Variants in PKP4 observed in about 807,000 individuals in gnomAD.
The protein encoded by PKP4 is plakophilin 4, also known as plakophilin-4.
PKP4 carries 90 observed loss-of-function variants against 145.1 expected under a neutral mutation model. The ratio of observed to expected loss-of-function variants is 0.62; its 90% CI spans 0.52 to 0.74. The LOEUF (loss-of-function observed/expected upper bound fraction) is 0.74. PKP4 is among the 30% of genes least tolerant of loss of function. PKP4 has a pLI of 0.00. For synonymous variants in PKP4, 563 were observed against 577.2 expected, an observed-to-expected ratio of 0.98 and a Z score of 0.35; for missense variants, 1,340 against 1,482.7, an observed-to-expected ratio of 0.90 and a Z score of 1.58.
chr2:158,551,306 A>C (rs1306134771), intron 2 of PKP4, among the ~76,000 whole-genome samples: 15 of 152,242 alleles, frequency 9.9e-5, no homozygotes, highest in Admixed American at 9.8e-4. Flanking sequence ...ATTAATTAGC[A>C]TTACCATTGC....
intron 3 of PKP4, among the ~76,000 whole-genome samples, chr2:158,591,815 A>G (rs1446522450): frequency 1.3e-5 from 2 of 152,118 alleles, no homozygotes; most frequent in African/African-American, 2.4e-5. Flanking sequence ...CCTATCAATG[A>G]TGTTCACTCA....
Position 158,625,345 on chromosome 2 carries a change from T to C in PKP4, c.1071T>C (p.Thr357=). The change falls in exon 7 of 22, where the codon ACT becomes ACC. Residue 357 remains threonine (T), a synonymous_variant. Coordinates refer to ENST00000389759, the MANE Select transcript of PKP4 (RefSeq NM_003628.6). ...PQHLGPSLQR[T]VHDMEQFGQQ... ...ATCTGGGACCTTCACTGCAAAGGAC[T>C]GTTCATGACATGGAGCAATTCGGAC... 6.2e-7 allele frequency: 1 copy of C among 1,614,198 alleles called. No individual in the cohort carries two copies. Among genetic ancestry groups the C allele is most frequent in the Non-Finnish European group, 8.5e-7 (1 of 1,180,028 alleles).
intron 4 of PKP4, among the ~76,000 whole-genome samples, chr2:158,603,412 C>A (rs866708685): frequency 3.3e-5 from 5 of 152,028 alleles, no homozygotes; most frequent in African/African-American, 1.2e-4. Context: ...ATTACGTAAT[C>A]AAGAAAGCTG....
At chr2:158,537,943 G>A (rs557455545) in intron 2 of PKP4, among the ~76,000 whole-genome samples, 190 of 152,176 alleles carry the variant, frequency 1.2e-3, no homozygotes, top group African/African-American at 4.4e-3. Flanking sequence ...CTTGAGTCTG[G>A]GAGGTCAAGG....
Position 158,673,659 on chromosome 2 carries a change from T to C in PKP4, c.2925-18T>C, listed in dbSNP as rs745992722. On this transcript the variant is annotated intron_variant, in intron 17 of 21. Coordinates refer to ENST00000389759, the MANE Select transcript of PKP4 (RefSeq NM_003628.6). ...GCTGTGTCACCCACATTCATTAATATCCTTGCTCTCTACCTAGATCATCTC... is the reference window on the plus strand; with the variant it reads ...GCTGTGTCACCCACATTCATTAATACCCTTGCTCTCTACCTAGATCATCTC... 1 of 1,583,492 alleles carries C rather than the reference T, an allele frequency of 6.3e-7. No homozygotes were observed. Among genetic ancestry groups the C allele is most frequent in the South Asian group, 1.1e-5 (1 of 90,422 alleles).
chr2:158,559,539 T>TA (rs2105731843), intron 2 of PKP4, among the ~76,000 whole-genome samples: 1 of 152,196 alleles, frequency 6.6e-6, no homozygotes, highest in African/African-American at 2.4e-5. Context: ...GCGGAGGACT[T>TA]ACACCAAGCA....
rs1004905846 is a variant in PKP4, at chr2:158,533,325, T to G, written c.132+9T>G. 6.8e-6 allele frequency: 11 copies of G among 1,613,946 alleles called. No homozygotes were observed. The highest frequency in any genetic ancestry group is 9.3e-6 in the Non-Finnish European group (11 of 1,179,836). On this transcript the variant is annotated intron_variant, in intron 2 of 21. Coordinates refer to ENST00000389759, the MANE Select transcript of PKP4 (RefSeq NM_003628.6). The stretch of plus-strand genomic sequence containing the variant: ...CATCCGTGAAGGAGCAGGTACATCC[T>G]CGTATTGAAAGTTGCAGTGAATTAT...
intron 1 of PKP4, among the ~76,000 whole-genome samples, chr2:158,503,842 A>T (rs369284777): frequency 1.1e-4 from 16 of 152,076 alleles, no homozygotes; most frequent in East Asian, 7.8e-4. Flanking sequence ...ACCTGGATAG[A>T]TTGCTAAAAA....
At chr2:158,649,936 T>C (rs1293956568) in intron 11 of PKP4, among the ~76,000 whole-genome samples, 1 of 152,224 alleles carries the variant, frequency 6.6e-6, no homozygotes, top group Admixed American at 6.5e-5. Context: ...ACCAGACAAC[T>C]GGGTTGAAGA....
At chr2:158,652,971 A>G (rs756943146) in intron 11 of PKP4, among the ~76,000 whole-genome samples, 7 of 152,128 alleles carry the variant, frequency 4.6e-5, no homozygotes, top group Non-Finnish European at 8.8e-5. Flanking sequence ...AAACCAGAGC[A>G]CTCAGAGCGA....
chr2:158,625,521 C>T, intron 7 of PKP4, 94 bp downstream of exon 7: 1 of 1,056,206 alleles, frequency 9.5e-7, no homozygotes, highest in East Asian at 2.5e-5. Flanking sequence ...GGAAAAGGCT[C>T]ATTCGTGTTT....
chr2:158,509,522 T>G (rs573086331), intron 1 of PKP4, among the ~76,000 whole-genome samples: 1 of 152,352 alleles, frequency 6.6e-6, no homozygotes, highest in East Asian at 1.9e-4. Context: ...CAATCAAGAC[T>G]TTTTGAGACA....
At chr2:158,539,967 G>C (rs1405991837) in intron 2 of PKP4, among the ~76,000 whole-genome samples, 1 of 152,150 alleles carries the variant, frequency 6.6e-6, no homozygotes. Flanking sequence ...GAATACTACA[G>C]AGTATGGCCA....
At chr2:158,505,602 TA>T (rs1559237274) in intron 1 of PKP4, among the ~76,000 whole-genome samples, 3 of 151,972 alleles carry the variant, frequency 2.0e-5, no homozygotes, top group Non-Finnish European at 2.9e-5. Context: ...AGTAATGTAT[TA>T]GGGGGTGGTG....
intron 4 of PKP4, among the ~76,000 whole-genome samples, chr2:158,604,593 G>A (rs1411762113): frequency 1.3e-5 from 2 of 152,044 alleles, no homozygotes; most frequent in African/African-American, 4.8e-5. Context: ...AGGTGGGTAG[G>A]CAATAACTGT....
chr2:158,568,696 G>A (rs901268731), intron 2 of PKP4, among the ~76,000 whole-genome samples: 3 of 152,132 alleles, frequency 2.0e-5, no homozygotes, highest in African/African-American at 7.2e-5. Flanking sequence ...AGTCTTTTAA[G>A]AAGCCATCGG....
chr2:158,665,681 C>G (rs1485531004), intron 15 of PKP4, among the ~76,000 whole-genome samples: 1 of 152,190 alleles, frequency 6.6e-6, no homozygotes, highest in Non-Finnish European at 1.5e-5. Context: ...GGTTGTTTCA[C>G]TGATGACTTA....
At chr2:158,678,082 G>GC (rs1490020254) in intron 20 of PKP4, among the ~76,000 whole-genome samples, 1 of 152,174 alleles carries the variant, frequency 6.6e-6, no homozygotes, top group Non-Finnish European at 1.5e-5. Flanking sequence ...ACAAGACTGT[G>GC]CCTCCATTGT....
intron 4 of PKP4, among the ~76,000 whole-genome samples, chr2:158,613,507 A>C (rs569607669): frequency 6.6e-6 from 1 of 152,344 alleles, no homozygotes; most frequent in East Asian, 1.9e-4. Context: ...AGTTTTTTAA[A>C]GTTCCATTAT....
Sources: allele counts gnomAD v4.1 joint callset (sites outside exome capture counted in the v4.1 genomes callset), GRCh38; gene constraint gnomAD v4.1.1; transcripts MANE v1.5; gene names NCBI Gene and HGNC (gene_info 2026-07-23, HGNC 2026-07-21).